FSTL5: variants seen among roughly 807,000 people sequenced by gnomAD.
FSTL5 encodes the protein follistatin like 5, also known as follistatin-related protein 5.
Under a neutral mutation model 89.1 loss-of-function variants are expected in FSTL5, and 62 were observed. The ratio of observed to expected loss-of-function variants is 0.70; its 90% CI spans 0.57 to 0.86. FSTL5 has a LOEUF of 0.86. Ranked by LOEUF, FSTL5 falls within the 40% of genes least tolerant of loss-of-function variation. The probability of loss-of-function intolerance (pLI) is 0.00; values close to 1 mark genes in which losing one functional copy is unlikely to be tolerated. For missense variants in FSTL5, 1,057 were observed against 1,001.6 expected, an observed-to-expected ratio of 1.06 and a Z score of -0.75; for synonymous variants, 383 against 346.2, an observed-to-expected ratio of 1.11 and a Z score of -1.18.
At chr4:161,617,319 A>C (rs1456578101) in intron 7 of FSTL5, among the ~76,000 whole-genome samples, 1 of 152,178 alleles carries the variant, frequency 6.6e-6, no homozygotes, top group Admixed American at 6.5e-5. Context: ...AATAGAAATT[A>C]TGCCACAAAT....
At chr4:161,416,309 T>G (rs1731778018) in intron 15 of FSTL5, among the ~76,000 whole-genome samples, 1 of 152,164 alleles carries the variant, frequency 6.6e-6, no homozygotes, top group Admixed American at 6.5e-5. Context: ...GACCTTTCAT[T>G]CAACTTCTTT....
At chr4:161,623,848 G>C (rs1374989160) in intron 7 of FSTL5, among the ~76,000 whole-genome samples, 1 of 151,816 alleles carries the variant, frequency 6.6e-6, no homozygotes, top group African/African-American at 2.4e-5. Flanking sequence ...TATTCAAAAT[G>C]TTTTAATTTA....
chr4:161,643,749 T>A (rs1198326210), intron 7 of FSTL5, among the ~76,000 whole-genome samples: 1 of 152,188 alleles, frequency 6.6e-6, no homozygotes, highest in Non-Finnish European at 1.5e-5. Flanking sequence ...ATCTAGAAAT[T>A]GTTGAACTGT....
rs1363902904 is a variant in FSTL5, at chr4:161,385,831, G to A, written c.2460C>T (p.Ile820=). Residue 820 remains isoleucine, a synonymous_variant, in exon 16 of 16, where the codon ATC becomes ATT. Transcript: ENST00000306100. ...LMTPSKDSLF[I]LDGRLNKLNC... is the part of the protein sequence containing the mutation. ...TTAATTTATTGAGTCGTCCATCTAG[G>A]ATGAAGAGAGAGTCCTTGGAAGGTG... The A allele has an allele frequency of 6.2e-7, 1 of 1,613,492 alleles. No homozygotes were observed. Among genetic ancestry groups the A allele is most frequent in the Non-Finnish European group, 8.5e-7 (1 of 1,179,764 alleles).
intron 15 of FSTL5, among the ~76,000 whole-genome samples, chr4:161,402,017 G>C (rs529453853): frequency 6.6e-6 from 1 of 151,786 alleles, no homozygotes; most frequent in East Asian, 1.9e-4. Context: ...TTTTCATTTA[G>C]CCAAAGGATT....
chr4:161,996,793 G>C (rs983131254), intron 3 of FSTL5, among the ~76,000 whole-genome samples: 1 of 152,090 alleles, frequency 6.6e-6, no homozygotes, highest in African/African-American at 2.4e-5. Context: ...TGCATGTCTT[G>C]AATATTTGGT....
rs140230777 is a variant in FSTL5 at position 161,926,015 on chromosome 4, A to G, written c.161-5363T>C. 2.7e-3 allele frequency among the ~76,000 whole-genome samples: 406 copies of G among 152,040 alleles called. 2 individuals are homozygous for G. The highest frequency in any genetic ancestry group is 9.1e-3 in the African/African-American group (380 of 41,536). On this transcript the variant is annotated intron_variant, in intron 3 of 15. Transcript: ENST00000306100. ...GTGATGTTTTGATTCCCACAAATGG[A>G]AAAATTGTGAAACTATTACATAAAA...
intron 15 of FSTL5, 53 bp downstream of exon 15, chr4:161,454,951 T>C (rs1416515030): frequency 9.1e-6 from 14 of 1,538,844 alleles, no homozygotes; most frequent in East Asian, 6.8e-5. Flanking sequence ...CATGGCTTTC[T>C]ATTATAATAG....
intron 4 of FSTL5, among the ~76,000 whole-genome samples, chr4:161,823,120 A>T (rs2126852935): frequency 6.6e-6 from 1 of 152,256 alleles, no homozygotes; most frequent in Non-Finnish European, 1.5e-5. Context: ...GGCCATTGGC[A>T]GGTATGAAAA....
chr4:161,835,527 T>C (rs1296653945), intron 4 of FSTL5, among the ~76,000 whole-genome samples: 2 of 151,936 alleles, frequency 1.3e-5, no homozygotes, highest in South Asian at 2.1e-4. Flanking sequence ...ACCTACAACA[T>C]GGGAGAAAAT....
Position 161,755,893 on chromosome 4 carries a change from C to T in FSTL5, c.727+3518G>A, listed in dbSNP as rs182984291. Among the ~76,000 whole-genome samples, 821 of 152,076 alleles carry T rather than the reference C, an allele frequency of 5.4e-3. 10 individuals are homozygous for T. The highest frequency in any genetic ancestry group is 9.5e-3 in the Non-Finnish European group (644 of 67,876). ...AATCATGTCATTATACAAAGCCTGTCACTAAACTTCACAAAACCCAAGTGG... is the reference window on the plus strand; with the variant it reads ...AATCATGTCATTATACAAAGCCTGTTACTAAACTTCACAAAACCCAAGTGG... On this transcript the variant is annotated intron_variant, in intron 6 of 15. Transcript: ENST00000306100.
intron 5 of FSTL5, among the ~76,000 whole-genome samples, chr4:161,770,032 T>TA (rs1741153824): frequency 6.6e-6 from 1 of 151,876 alleles, no homozygotes; most frequent in Admixed American, 6.6e-5. Flanking sequence ...CATTTAGCCA[T>TA]AAAAAAGAAT....
intron 4 of FSTL5, among the ~76,000 whole-genome samples, chr4:161,880,923 G>A (rs1732606854): frequency 6.6e-6 from 1 of 151,970 alleles, no homozygotes; most frequent in African/African-American, 2.4e-5. Context: ...CCTCAGCAAA[G>A]GAAATTTTTT....
At chr4:161,974,787 A>G (rs1735585598) in intron 3 of FSTL5, among the ~76,000 whole-genome samples, 1 of 145,926 alleles carries the variant, frequency 6.9e-6, no homozygotes. Context: ...CTGCACAGCA[A>G]AAGAAACTAC....
intron 3 of FSTL5, among the ~76,000 whole-genome samples, chr4:161,948,711 G>A (rs1300697533): frequency 6.6e-6 from 1 of 151,948 alleles, no homozygotes; most frequent in African/African-American, 2.4e-5. Context: ...GCCTCCCAAA[G>A]TGCTAAGATT....
intron 4 of FSTL5, among the ~76,000 whole-genome samples, chr4:161,872,179 T>G (rs182107052): frequency 2.6e-4 from 34 of 130,346 alleles, no homozygotes; most frequent in Non-Finnish European, 4.7e-4. Flanking sequence ...GGATTCATCA[T>G]GTTGTCCAGG....
intron 3 of FSTL5, among the ~76,000 whole-genome samples, chr4:161,963,066 C>T (rs944476105): frequency 6.6e-6 from 1 of 151,798 alleles, no homozygotes; most frequent in African/African-American, 2.4e-5. Context: ...AGGAAGTATA[C>T]AAGAGCTCAC....
At chr4:162,082,189 T>C (rs552450979) in intron 2 of FSTL5, among the ~76,000 whole-genome samples, 2 of 151,672 alleles carry the variant, frequency 1.3e-5, no homozygotes, top group Non-Finnish European at 3.0e-5. Flanking sequence ...ATCCCTTTTA[T>C]AGTAGTTGGA....
intron 1 of FSTL5, among the ~76,000 whole-genome samples, chr4:162,142,618 C>G (rs966352580): frequency 6.6e-6 from 1 of 152,038 alleles, no homozygotes; most frequent in Non-Finnish European, 1.5e-5. Context: ...TGATCCAGGA[C>G]AGTGATACAA....
Sources: allele counts gnomAD v4.1 joint callset (sites outside exome capture counted in the v4.1 genomes callset), GRCh38; gene constraint gnomAD v4.1.1; transcripts MANE v1.5; gene names NCBI Gene and HGNC (gene_info 2026-07-23, HGNC 2026-07-21).